ALK: variants seen among roughly 807,000 people sequenced by gnomAD.
ALK encodes ALK receptor tyrosine kinase.
In ALK, 74 loss-of-function variants were observed where a neutral mutation model predicts 163.1. That is an observed-to-expected ratio of 0.45 (90% confidence interval 0.38 to 0.55). ALK has a LOEUF of 0.55. Among genes scored for constraint, ALK ranks in the 20% least tolerant of loss-of-function variants. The pLI is 0.00. For missense variants in ALK, 2,063 were observed against 2,105.3 expected (o/e 0.98, Z 0.39); for synonymous variants, 960 against 843.2 (o/e 1.14, Z -2.40).
intron 8 of ALK, among the ~76,000 whole-genome samples, chr2:29,307,280 T>C (rs1357828666): frequency 1.3e-5 from 2 of 152,204 alleles, no homozygotes; most frequent in African/African-American, 4.8e-5. Flanking sequence ...ATGTAGGAAA[T>C]GTTCTGACGG....
intron 8 of ALK, among the ~76,000 whole-genome samples, chr2:29,312,956 C>T (rs1666732574): frequency 6.6e-6 from 1 of 152,196 alleles, no homozygotes; most frequent in Non-Finnish European, 1.5e-5. Context: ...TCCCCAAATA[C>T]CTGACCAAAG....
At chr2:29,338,489 G>A (rs979747471) in intron 5 of ALK, among the ~76,000 whole-genome samples, 34 of 152,252 alleles carry the variant, frequency 2.2e-4, no homozygotes, top group Middle Eastern at 3.4e-3. Context: ...ACTTTGTTCC[G>A]TTGTCTAGAA....
Position 29,229,892 on chromosome 2 carries a change from C to T in ALK, c.2633-826G>A, listed in dbSNP as rs112647229. 6.2e-3 allele frequency among the ~76,000 whole-genome samples: 944 copies of T among 152,290 alleles called. 6 individuals are homozygous for T. The highest frequency in any genetic ancestry group is 0.021 in the African/African-American group (867 of 41,542). ...GTGGACGATACCCTGGCAACAAAGG[C>T]AGCCTCAGGGCTGTGCTTCCCAATG... On this transcript the variant is annotated intron_variant, in intron 15 of 28. Transcript: ENST00000389048.
At chr2:29,232,063 G>T (rs1471103095) in intron 15 of ALK, among the ~76,000 whole-genome samples, 1 of 152,208 alleles carries the variant, frequency 6.6e-6, no homozygotes, top group Non-Finnish European at 1.5e-5. Flanking sequence ...CTGATTGACG[G>T]CTGCTCCCTG....
chr2:29,435,622 G>A (rs1224310419), intron 4 of ALK, among the ~76,000 whole-genome samples: 2 of 150,706 alleles, frequency 1.3e-5, no homozygotes, highest in Non-Finnish European at 2.9e-5. Flanking sequence ...TCAAGGTCAC[G>A]GTGGTTTAAA....
chr2:29,512,497 T>A (rs1485072945), intron 4 of ALK, among the ~76,000 whole-genome samples: 7 of 149,152 alleles, frequency 4.7e-5, no homozygotes, highest in African/African-American at 1.7e-4. Context: ...GGGACGTATC[T>A]CAAAATAATA....
chr2:29,194,978 T>TA (rs1397283510), intron 28 of ALK, among the ~76,000 whole-genome samples: 3 of 152,154 alleles, frequency 2.0e-5, no homozygotes, highest in Non-Finnish European at 4.4e-5. Context: ...GAAGAAAAAT[T>TA]AAATTTGGAG....
chr2:29,874,210 C>T (rs904951732), intron 1 of ALK, among the ~76,000 whole-genome samples: 11 of 152,070 alleles, frequency 7.2e-5, no homozygotes, highest in African/African-American at 2.4e-4. Context: ...GAGATTATTC[C>T]CTTCTCTATG....
rs1279941719 is a variant in ALK, at chr2:29,532,047, C to T, written c.1022G>A (p.Ser341Asn). Residue 341 changes from serine to asparagine, a missense_variant, in exon 4 of 29, where the codon AGC (serine) becomes AAC (asparagine). Physicochemically the swap from Ser to Asn is conservative, Grantham distance 46. Around this residue, in one of 5 missense-constraint regions of ALK, gnomAD observed 987 missense variants for 939.5 expected, o/e 1.05. Coordinates refer to ENST00000389048, the MANE Select transcript of ALK (RefSeq NM_004304.5). ...GACGGCCAGTGTGCAGTGCTCACTG[C>T]TGCTCCTCATCCACGGACTCAGGAT... Reference protein sequence around the residue: ...HTILSPWMRSSSEHCTLAVSV... With the variant: ...HTILSPWMRSNSEHCTLAVSV... 2 of 1,613,800 alleles carry T rather than the reference C, an allele frequency of 1.2e-6. No homozygotes were observed. The highest frequency in any genetic ancestry group is 1.3e-5 in the African/African-American group (1 of 74,842).
intron 4 of ALK, among the ~76,000 whole-genome samples, chr2:29,450,932 G>T (rs1251476595): frequency 6.6e-6 from 1 of 152,058 alleles, no homozygotes; most frequent in African/African-American, 2.4e-5. Context: ...GTGGGGGCGG[G>T]GCTCAGGACT....
At chr2:29,850,532 G>T (rs556327994) in intron 1 of ALK, among the ~76,000 whole-genome samples, 2 of 152,340 alleles carry the variant, frequency 1.3e-5, no homozygotes, top group East Asian at 3.9e-4. Flanking sequence ...TAAAGAGACT[G>T]AACAGGGAAT....
chr2:29,756,493 C>A (rs1573610405), intron 1 of ALK, among the ~76,000 whole-genome samples: 1 of 152,028 alleles, frequency 6.6e-6, no homozygotes, highest in Non-Finnish European at 1.5e-5. Flanking sequence ...CTGAAGCAAG[C>A]CCCTTAGCAA....
At chr2:29,800,608 A>G (rs1245080532) in intron 1 of ALK, among the ~76,000 whole-genome samples, 3 of 152,082 alleles carry the variant, frequency 2.0e-5, no homozygotes, top group Non-Finnish European at 4.4e-5. Flanking sequence ...AGGAATTTCC[A>G]CTGAAGTGTG....
chr2:29,356,429 T>C (rs552936084), intron 5 of ALK, among the ~76,000 whole-genome samples: 1 of 151,488 alleles, frequency 6.6e-6, no homozygotes, highest in East Asian at 2.0e-4. Context: ...TTAACCTCTA[T>C]GCTATACTCC....
intron 1 of ALK, among the ~76,000 whole-genome samples, chr2:29,736,385 A>AT (rs538322262): frequency 8.2e-4 from 122 of 149,216 alleles, no homozygotes; most frequent in South Asian, 3.0e-3. Flanking sequence ...ACCATGTGTC[A>AT]TTTTTTTTTT....
At chr2:29,781,427 G>A (rs1265063424) in intron 1 of ALK, among the ~76,000 whole-genome samples, 2 of 152,074 alleles carry the variant, frequency 1.3e-5, no homozygotes, top group East Asian at 3.9e-4. Flanking sequence ...TCCTTGCATG[G>A]GCCTTGCATG....
intron 25 of ALK, among the ~76,000 whole-genome samples, chr2:29,208,575 A>G (rs1669376382): frequency 1.3e-5 from 2 of 152,142 alleles, no homozygotes; most frequent in Admixed American, 6.5e-5. Flanking sequence ...CACTCCAGAG[A>G]CGTCTTTACT....
chr2:29,281,779 AT>A (rs1665725247), intron 9 of ALK, among the ~76,000 whole-genome samples: 2 of 152,178 alleles, frequency 1.3e-5, no homozygotes, highest in Non-Finnish European at 2.9e-5. Flanking sequence ...CAGCTTCAGA[AT>A]TGGGCGCCTC....
chr2:29,544,266 C>T (rs1194609245), intron 3 of ALK, among the ~76,000 whole-genome samples: 1 of 152,098 alleles, frequency 6.6e-6, no homozygotes, highest in Non-Finnish European at 1.5e-5. Context: ...TTCCGCAGAA[C>T]ACCAGCCCCA....
Sources: allele counts gnomAD v4.1 joint callset (sites outside exome capture counted in the v4.1 genomes callset), GRCh38; gene constraint gnomAD v4.1.1; regional missense constraint gnomAD v4.1.1; transcripts MANE v1.5; gene names NCBI Gene and HGNC (gene_info 2026-07-23, HGNC 2026-07-21).